Variants in TNS1 observed in about 807,000 individuals in gnomAD.
TNS1 encodes the protein tensin 1.
Under a neutral mutation model 168.6 loss-of-function variants are expected in TNS1, and 62 were observed. The ratio of observed to expected loss-of-function variants is 0.37; its 90% CI spans 0.30 to 0.45. The LOEUF (loss-of-function observed/expected upper bound fraction) is 0.45. Ranked by LOEUF, TNS1 falls within the 20% of genes least tolerant of loss-of-function variation. The probability of loss-of-function intolerance (pLI) is 1.00; values close to 1 mark genes in which losing one functional copy is unlikely to be tolerated. For missense variants in TNS1, 2,240 were observed against 2,339.4 expected, an observed-to-expected ratio of 0.96 and a Z score of 0.88; for synonymous variants, 934 against 933.2, an observed-to-expected ratio of 1.00 and a Z score of -0.02.
At chr2:217,808,227 C>A in intron 31 of TNS1, 120 bp from the exon 32 acceptor site, 3 of 1,199,304 alleles carry the variant, frequency 2.5e-6, no homozygotes, top group East Asian at 2.6e-5. Flanking sequence ...CCATTCCCCC[C>A]TCATTCCCCC....
intron 8 of TNS1, among the ~76,000 whole-genome samples, 174 bp from the exon 9 acceptor site, chr2:217,895,230 C>A (rs372194498): frequency 2.0e-4 from 31 of 152,342 alleles, no homozygotes; most frequent in East Asian, 9.7e-4. Flanking sequence ...CGGCCAGGGG[C>A]CTGGCCACGG....
intron 4 of TNS1, among the ~76,000 whole-genome samples, chr2:217,907,835 T>C (rs980577135): frequency 6.6e-6 from 1 of 152,184 alleles, no homozygotes; most frequent in African/African-American, 2.4e-5. Flanking sequence ...CTCTGCTCCA[T>C]CAGCCCCAGC....
intron 18 of TNS1, among the ~76,000 whole-genome samples, chr2:217,866,275 G>A (rs1255904233): frequency 1.3e-5 from 2 of 152,216 alleles, no homozygotes; most frequent in Non-Finnish European, 1.5e-5. Flanking sequence ...ACTGTGCAAT[G>A]GCAGAGGGCA....
rs1433547301 is a variant in TNS1 at position 217,927,895 on chromosome 2, G to GA, written c.187-7660dup. 2.6e-5 allele frequency among the ~76,000 whole-genome samples: 4 copies of GA among 152,316 alleles called. No individual in the cohort carries two copies. In the East Asian group the frequency reaches 7.7e-4, roughly 29 times the overall value. ...TCTGAAATGATACCAGAGCGGTCCA[G>GA]AAAAAATCCAGACAATAATCCCAGA... On this transcript the variant is annotated intron_variant, in intron 3 of 32. Coordinates refer to ENST00000682258, the MANE Select transcript of TNS1 (RefSeq NM_001387777.1).
chr2:217,955,339 T>TG (rs1957336141), intron 3 of TNS1, among the ~76,000 whole-genome samples: 1 of 152,152 alleles, frequency 6.6e-6, no homozygotes, highest in Non-Finnish European at 1.5e-5. Flanking sequence ...CAGGACCATG[T>TG]GGGCCTCAGT....
intron 3 of TNS1, among the ~76,000 whole-genome samples, chr2:217,942,185 G>C (rs1469067379): frequency 6.6e-6 from 1 of 152,194 alleles, no homozygotes; most frequent in Non-Finnish European, 1.5e-5. Flanking sequence ...CTCAAGGCCA[G>C]GCGCCTGGAA....
At chr2:217,827,719 G>A (rs910512698) in intron 22 of TNS1, among the ~76,000 whole-genome samples, 6 of 152,226 alleles carry the variant, frequency 3.9e-5, no homozygotes, top group Admixed American at 2.6e-4. Context: ...CTGCATATCT[G>A]TGACAACGAT....
chr2:217,996,566 G>A (rs903219440), intron 1 of TNS1, among the ~76,000 whole-genome samples: 2 of 151,946 alleles, frequency 1.3e-5, no homozygotes, highest in Non-Finnish European at 1.5e-5. Flanking sequence ...TGGGTGGAAA[G>A]CTCTGAGTCA....
Position 217,813,656 on chromosome 2 carries a change from C to G in TNS1, c.4861+29G>C. 6.3e-7 allele frequency: 1 copy of G among 1,589,562 alleles called. No homozygotes were observed. Among genetic ancestry groups the G allele is most frequent in the South Asian group, 1.2e-5 (1 of 86,768 alleles). ...TAGCGACTGTAAAGCTCACCTGGTC[C>G]TGAGCCCCATTCTGGGAGATGAGGT... On this transcript the variant is annotated intron_variant, in intron 26 of 32. Coordinates refer to ENST00000682258, the MANE Select transcript of TNS1 (RefSeq NM_001387777.1). This position sits in a 1 kb window ranked among gnomAD's most constrained non-coding sequence, Gnocchi z 4.0.
chr2:217,830,756 G>A (rs533912322), intron 22 of TNS1, among the ~76,000 whole-genome samples: 27 of 152,358 alleles, frequency 1.8e-4, no homozygotes, highest in East Asian at 1.2e-3. Flanking sequence ...TCGGGAGTAG[G>A]GATGGGGGAT....
At chr2:217,827,057 C>G (rs1485113198) in intron 22 of TNS1, among the ~76,000 whole-genome samples, 1 of 152,108 alleles carries the variant, frequency 6.6e-6, no homozygotes, top group African/African-American at 2.4e-5. Flanking sequence ...GAGCCACATG[C>G]CCCCTCCTCC....
intron 3 of TNS1, among the ~76,000 whole-genome samples, chr2:217,954,987 C>A (rs1559386186): frequency 6.6e-6 from 1 of 152,210 alleles, no homozygotes; most frequent in African/African-American, 2.4e-5. Context: ...TACACACACA[C>A]ACACACAGGC....
chr2:218,017,772 A>T (rs1283626933), intron 1 of TNS1, among the ~76,000 whole-genome samples: 1 of 152,174 alleles, frequency 6.6e-6, no homozygotes, highest in African/African-American at 2.4e-5. Context: ...CTAGCAGGAG[A>T]CCTGATTCAT....
rs1190890551 is a variant in TNS1 at position 217,818,401 on chromosome 2, G to A, written c.3931C>T (p.Pro1311Ser). ...WRAINPSMAA[P>S]SSPSLSHHQM... ...TGATGGCTCAAACTGGGACTGCTGG[G>A]GGCAGCCATGCTGGGATTGATGGCC... is the stretch of plus-strand genomic sequence containing the variant. Residue 1311 changes from proline (P) to serine (S), a missense_variant, in exon 24 of 33, where the codon CCC (proline) becomes TCC (serine). Physicochemically the swap from Pro to Ser is moderately conservative, Grantham distance 74. Coordinates refer to ENST00000682258, the MANE Select transcript of TNS1 (RefSeq NM_001387777.1). The A allele has an allele frequency of 1.2e-5, 20 of 1,614,058 alleles. No individual in the cohort carries two copies. Among genetic ancestry groups the A allele is most frequent in the Non-Finnish European group, 1.7e-5 (20 of 1,180,038 alleles).
At chr2:217,909,798 A>G (rs1420521591) in intron 4 of TNS1, among the ~76,000 whole-genome samples, 1 of 152,198 alleles carries the variant, frequency 6.6e-6, no homozygotes, top group Non-Finnish European at 1.5e-5. Flanking sequence ...AGGCCTTGGC[A>G]GCAGACTGCC....
At chr2:217,810,587 G>A (rs184475221) in intron 28 of TNS1, among the ~76,000 whole-genome samples, 189 of 152,258 alleles carry the variant, frequency 1.2e-3, no homozygotes, top group African/African-American at 4.3e-3. Flanking sequence ...AAACAAAGAC[G>A]ATGATCATGG....
Position 217,894,660 on chromosome 2 carries a change from A to AAAAC in TNS1, c.594+342_594+345dup, listed in dbSNP as rs549375412. On this transcript the variant is annotated intron_variant, in intron 9 of 32. Transcript: ENST00000682258. ...CGACAGAGGGGGACTGCATCTCAAA[A>AAAAC]AAACAAACAAACAAACAAAAAAACC... Among the ~76,000 whole-genome samples the AAAAC allele has an allele frequency of 5.1e-3, 782 of 152,142 alleles. 4 individuals are homozygous for AAAAC. Among genetic ancestry groups the AAAAC allele is most frequent in the African/African-American group, 0.017 (691 of 41,496 alleles).
intron 3 of TNS1, among the ~76,000 whole-genome samples, chr2:217,961,988 C>T (rs1310078234): frequency 6.6e-6 from 1 of 152,206 alleles, no homozygotes; most frequent in Admixed American, 6.5e-5. Context: ...AGATATTCTG[C>T]CTCAAGAATC....
chr2:217,922,889 C>G (rs966723413), intron 3 of TNS1, among the ~76,000 whole-genome samples: 10 of 152,240 alleles, frequency 6.6e-5, no homozygotes, highest in African/African-American at 2.4e-4. Flanking sequence ...GCCCACTGGC[C>G]GGCCAGCCCA....
Sources: allele counts gnomAD v4.1 joint callset (sites outside exome capture counted in the v4.1 genomes callset), GRCh38; gene constraint gnomAD v4.1.1; non-coding constraint Gnocchi (gnomAD v3.1); transcripts MANE v1.5; gene names NCBI Gene and HGNC (gene_info 2026-07-23, HGNC 2026-07-21).